The following PLEKHA5 variants were observed in gnomAD, a reference collection of about 807,000 sequenced individuals.
The protein encoded by PLEKHA5 is pleckstrin homology domain containing A5.
Under a neutral mutation model 181.9 loss-of-function variants are expected in PLEKHA5, and 55 were observed. The ratio of observed to expected loss-of-function variants is 0.30; its 90% CI spans 0.24 to 0.38. The LOEUF is 0.38. PLEKHA5 is among the 10% of genes least tolerant of loss of function. The pLI, the probability that PLEKHA5 is intolerant of heterozygous loss-of-function variation, is 1.00. For missense variants in PLEKHA5, 1,432 were observed against 1,549.5 expected (o/e 0.92, Z 1.27); for synonymous variants, 535 against 529.4 (o/e 1.01, Z -0.15).
At chr12:19,327,497 C>T (rs1164313897) in intron 20 of PLEKHA5, among the ~76,000 whole-genome samples, 1 of 151,788 alleles carries the variant, frequency 6.6e-6, no homozygotes, top group Non-Finnish European at 1.5e-5. Context: ...GGATATTCAA[C>T]CTTTGTCGGA....
intron 3 of PLEKHA5, among the ~76,000 whole-genome samples, chr12:19,244,774 A>T (rs1175813908): frequency 6.6e-6 from 1 of 152,230 alleles, no homozygotes. Flanking sequence ...CGATATTACC[A>T]TGGTTACATA....
At chr12:19,167,405 A>ATTTTTTTTTTATTTTTTTTTTTT (rs2044661995) in intron 3 of PLEKHA5, among the ~76,000 whole-genome samples, 1 of 91,198 alleles carries the variant, frequency 1.1e-5, no homozygotes, top group African/African-American at 4.5e-5. Flanking sequence ...CTGAGGCTTA[A>ATTTTTTTTTTATTTTTTTTTTTT]TTTTTTTTTT....
intron 13 of PLEKHA5, chr12:19,288,068 ACT>A (rs1294124619): frequency 6.8e-6 from 2 of 296,000 alleles, no homozygotes; most frequent in Admixed American, 4.4e-5. Context: ...ACAGAGCAAG[ACT>A]CTGTCTCAAA....
intron 3 of PLEKHA5, among the ~76,000 whole-genome samples, chr12:19,217,434 C>T (rs147909043): frequency 2.0e-4 from 31 of 152,296 alleles, no homozygotes; most frequent in African/African-American, 6.7e-4. Context: ...GCTTGGCATA[C>T]GGCCTGAGCA....
chr12:19,224,700 A>G (rs1040338098), intron 3 of PLEKHA5, among the ~76,000 whole-genome samples: 11 of 152,218 alleles, frequency 7.2e-5, no homozygotes, highest in African/African-American at 1.9e-4. Context: ...AGCATTTTCA[A>G]TGACCATCAT....
chr12:19,169,855 A>T (rs1255149908), intron 3 of PLEKHA5, among the ~76,000 whole-genome samples: 1 of 152,064 alleles, frequency 6.6e-6, no homozygotes, highest in Non-Finnish European at 1.5e-5. Context: ...TTTCTCATCT[A>T]CTTTGTGTAA....
intron 3 of PLEKHA5, among the ~76,000 whole-genome samples, chr12:19,139,252 C>A (rs1038502412): frequency 2.0e-5 from 3 of 152,114 alleles, no homozygotes; most frequent in Non-Finnish European, 4.4e-5. Context: ...AGACCCTTGA[C>A]CGGAATAAAG....
At chr12:19,143,323 AC>A (rs1459422063) in intron 3 of PLEKHA5, among the ~76,000 whole-genome samples, 1 of 152,246 alleles carries the variant, frequency 6.6e-6, no homozygotes, top group Non-Finnish European at 1.5e-5. Flanking sequence ...GTAAAGAAAT[AC>A]CACAGAATGA....
intron 7 of PLEKHA5, among the ~76,000 whole-genome samples, chr12:19,262,246 GT>G (rs1294301850): frequency 6.8e-6 from 1 of 148,120 alleles, no homozygotes; most frequent in African/African-American, 2.5e-5. Flanking sequence ...GTTTTGTTTT[GT>G]TTTTGAGACA....
intron 25 of PLEKHA5, among the ~76,000 whole-genome samples, chr12:19,350,964 T>C (rs2094564608): frequency 6.7e-6 from 1 of 148,728 alleles, no homozygotes; most frequent in South Asian, 2.2e-4. Context: ...TCTTTTTTTT[T>C]TTTTTTTTTT....
chr12:19,192,608 C>T (rs1184065282), intron 3 of PLEKHA5, among the ~76,000 whole-genome samples: 2 of 152,142 alleles, frequency 1.3e-5, no homozygotes, highest in African/African-American at 4.8e-5. Flanking sequence ...GTGGCTGAGG[C>T]AGGAGAATTG....
intron 20 of PLEKHA5, among the ~76,000 whole-genome samples, chr12:19,330,624 A>C (rs754809901): frequency 6.6e-6 from 1 of 152,140 alleles, no homozygotes; most frequent in South Asian, 2.1e-4. Flanking sequence ...ACATTCTTCA[A>C]ATGTGAGCCA....
chr12:19,331,479 A>G (rs2092825144), intron 20 of PLEKHA5, among the ~76,000 whole-genome samples: 1 of 152,174 alleles, frequency 6.6e-6, no homozygotes, highest in South Asian at 2.1e-4. Context: ...TGCTGGGATT[A>G]CAGGCGTAAG....
At chr12:19,315,353 T>C (rs2088202035) in intron 16 of PLEKHA5, among the ~76,000 whole-genome samples, 2 of 152,144 alleles carry the variant, frequency 1.3e-5, no homozygotes, top group Admixed American at 1.3e-4. Context: ...TAAATCTAGT[T>C]TCTGTACTAT....
At chr12:19,217,220 C>T (rs1034028464) in intron 3 of PLEKHA5, among the ~76,000 whole-genome samples, 3 of 152,154 alleles carry the variant, frequency 2.0e-5, no homozygotes, top group African/African-American at 7.2e-5. Context: ...CCATAAACAC[C>T]TACTATGTGT....
At chr12:19,157,062 A>G (rs1186152938) in intron 3 of PLEKHA5, among the ~76,000 whole-genome samples, 1 of 145,142 alleles carries the variant, frequency 6.9e-6, no homozygotes, top group Non-Finnish European at 1.5e-5. Context: ...TCTCCAAAAA[A>G]AACCATATAT....
chr12:19,327,504 C>T (rs370901726), intron 20 of PLEKHA5, among the ~76,000 whole-genome samples: 223 of 151,942 alleles, frequency 1.5e-3, no homozygotes, highest in Middle Eastern at 3.4e-3. Flanking sequence ...CAACCTTTGT[C>T]GGATGGGTAG....
intron 25 of PLEKHA5, among the ~76,000 whole-genome samples, chr12:19,350,693 G>A (rs2094549909): frequency 6.6e-6 from 1 of 151,854 alleles, no homozygotes; most frequent in Non-Finnish European, 1.5e-5. Context: ...CACTTGAACT[G>A]GGAGGCAGAG....
Position 19,129,892 on chromosome 12 carries a change from A to C in PLEKHA5, c.89+4A>C. On this transcript the variant is annotated splice_donor_region_variant and intron_variant, in intron 1 of 31. Coordinates refer to ENST00000429027, the MANE Select transcript of PLEKHA5 (RefSeq NM_001256470.2). ...GCGGCCGAGTCTTCTTCATCAAGTA[A>C]AGAGCCGGGGACGGCACGGGGGCCC... is the stretch of plus-strand genomic sequence containing the variant. 6.3e-7 allele frequency: 1 copy of C among 1,596,610 alleles called. No individual in the cohort carries two copies. Among genetic ancestry groups the C allele is most frequent in the Non-Finnish European group, 8.5e-7 (1 of 1,170,896 alleles).
Sources: gnomAD v4.1 joint callset for allele counts (sites outside exome capture counted in the v4.1 genomes callset) on GRCh38, gnomAD v4.1.1 for gene constraint, MANE v1.5 for transcripts, NCBI Gene and HGNC (gene_info 2026-07-23, HGNC 2026-07-21) for gene names.